The following ARHGEF26 variants were observed in gnomAD, a reference collection of about 807,000 sequenced individuals.
The protein encoded by ARHGEF26 is Rho guanine nucleotide exchange factor (GEF) 26.
A neutral mutation model predicts 89.4 loss-of-function variants in ARHGEF26; 59 were observed. The ratio of observed to expected loss-of-function variants is 0.66; its 90% CI spans 0.54 to 0.82. The LOEUF (loss-of-function observed/expected upper bound fraction) is 0.82. ARHGEF26 is among the 40% of genes least tolerant of loss of function. The pLI is 0.00. For synonymous variants in ARHGEF26, 500 were observed against 428.4 expected (o/e 1.17, Z -2.06); for missense variants, 1,234 against 1,085.6 (o/e 1.14, Z -1.92).
intron 6 of ARHGEF26, among the ~76,000 whole-genome samples, chr3:154,171,610 C>T (rs1053391485): frequency 6.6e-6 from 1 of 152,054 alleles, no homozygotes. Context: ...TTGAGTTTTG[C>T]AGTAGTTATT....
intron 6 of ARHGEF26, among the ~76,000 whole-genome samples, chr3:154,177,805 C>T (rs1712919727): frequency 6.6e-6 from 1 of 152,110 alleles, no homozygotes. Flanking sequence ...ATACAAAATC[C>T]ACTATCTGGG....
At chr3:154,240,263 C>T in intron 11 of ARHGEF26, 107 bp from the exon 12 acceptor site, 3 of 711,362 alleles carry the variant, frequency 4.2e-6, no homozygotes. Context: ...CTTTCCCTCT[C>T]CTTCCTGCCC....
intron 9 of ARHGEF26, among the ~76,000 whole-genome samples, chr3:154,204,300 G>T (rs1714862136): frequency 7.1e-6 from 1 of 141,746 alleles, no homozygotes; most frequent in Non-Finnish European, 1.6e-5. Flanking sequence ...TTTGGGTTTG[G>T]TTGAGTTTCA....
chr3:154,200,316 TGTC>T (rs1714551695), intron 9 of ARHGEF26, among the ~76,000 whole-genome samples: 1 of 152,166 alleles, frequency 6.6e-6, no homozygotes, highest in Non-Finnish European at 1.5e-5. Flanking sequence ...TTAAAGAGAC[TGTC>T]TTTTCCTCAG....
chr3:154,145,888 A>G (rs1719674407), intron 4 of ARHGEF26, among the ~76,000 whole-genome samples: 1 of 152,210 alleles, frequency 6.6e-6, no homozygotes, highest in Non-Finnish European at 1.5e-5. Flanking sequence ...GTCAAAGACC[A>G]AGAAATATTA....
chr3:154,204,884 T>C (rs1402449759), intron 9 of ARHGEF26, among the ~76,000 whole-genome samples: 6 of 152,208 alleles, frequency 3.9e-5, no homozygotes, highest in South Asian at 4.1e-4. Context: ...AGAATATGCT[T>C]GATATTACTT....
At chr3:154,224,577 T>C (rs566109508) in intron 10 of ARHGEF26, among the ~76,000 whole-genome samples, 5 of 152,306 alleles carry the variant, frequency 3.3e-5, no homozygotes, top group Admixed American at 6.5e-5. Flanking sequence ...CAGCCGGACC[T>C]ACCCTGACAC....
intron 11 of ARHGEF26, among the ~76,000 whole-genome samples, chr3:154,229,938 C>T (rs1368813650): frequency 4.6e-5 from 7 of 152,036 alleles, no homozygotes; most frequent in Admixed American, 1.3e-4. Context: ...CCAATATGTG[C>T]CTACTGATAA....
intron 6 of ARHGEF26, among the ~76,000 whole-genome samples, chr3:154,157,197 G>C (rs1168907646): frequency 1.3e-5 from 2 of 152,034 alleles, no homozygotes; most frequent in African/African-American, 2.4e-5. Context: ...TTAACACTTA[G>C]GGCCTCCTAT....
chr3:154,216,498 T>TA lies in ARHGEF26; in HGVS notation c.1846-1371_1846-1370insA, dbSNP rs1715745219. ...CACTTGTTTTTTTTTTTTTATTTTT[T>TA]TTTATTTTTTATTTTTTTTTTATGT... is the stretch of plus-strand genomic sequence containing the variant. On this transcript the variant is annotated intron_variant, in intron 9 of 14. Coordinates refer to ENST00000465093, the MANE Select transcript of ARHGEF26 (RefSeq NM_015595.4). Among the ~76,000 whole-genome samples the TA allele has an allele frequency of 2.9e-4, 10 of 34,392 alleles. No homozygotes were observed. In the South Asian group the frequency reaches 0.011, roughly 37 times the overall value. The allele number at this position is 34,392 out of a possible 152,430, so 22.6% of individuals were successfully genotyped here.
At chr3:154,239,116 T>C (rs1717296792) in intron 11 of ARHGEF26, among the ~76,000 whole-genome samples, 2 of 152,060 alleles carry the variant, frequency 1.3e-5, no homozygotes, top group African/African-American at 4.8e-5. Flanking sequence ...CATGGATTTG[T>C]GGCTGAAGTA....
intron 6 of ARHGEF26, among the ~76,000 whole-genome samples, chr3:154,173,182 A>G (rs1269432605): frequency 6.6e-6 from 1 of 152,072 alleles, no homozygotes; most frequent in East Asian, 1.9e-4. Context: ...TCTTCTTTGC[A>G]TTACCCTCCA....
chr3:154,239,540 C>T (rs1350210861), intron 11 of ARHGEF26, among the ~76,000 whole-genome samples: 1 of 151,972 alleles, frequency 6.6e-6, no homozygotes, highest in African/African-American at 2.4e-5. Flanking sequence ...AGGCAGAGAG[C>T]TCTCAGGAGA....
In ARHGEF26 at chr3:154,202,884, T is replaced by G. The variant is rs149633956; in HGVS notation, c.1845+8166T>G. On this transcript the variant is annotated intron_variant, in intron 9 of 14. Transcript: ENST00000465093. ...ACTTCGCTGAAGTTGCCTATCAGCTTAAGGAGATTTTGGGTTGAGACGATG... is the reference window on the plus strand; with the variant it reads ...ACTTCGCTGAAGTTGCCTATCAGCTGAAGGAGATTTTGGGTTGAGACGATG... 4.6e-3 allele frequency among the ~76,000 whole-genome samples: 693 copies of G among 152,246 alleles called. 5 individuals are homozygous for G. The highest frequency in any genetic ancestry group is 0.016 in the African/African-American group (667 of 41,530).
intron 9 of ARHGEF26, among the ~76,000 whole-genome samples, chr3:154,208,079 C>T (rs537642617): frequency 3.9e-4 from 59 of 152,148 alleles, no homozygotes; most frequent in African/African-American, 1.4e-3. Context: ...ACAACATACA[C>T]TGGGGCCTAT....
At position 154,122,002 on chromosome 3, in the gene ARHGEF26, G is replaced by T. The variant is rs1460975707; in HGVS notation, c.10G>T (p.Glu4Ter). MDG[E>*]SEVDFSSNSI... ...ACTTCGAGGCCCGGCTATGGACGGC[G>T]AGAGCGAGGTGGATTTTTCTAGCAA... The change falls in exon 2 of 15, where the codon GAG (glutamate) becomes TAG (stop). Residue 4 changes from glutamate (E) to a stop codon, truncating the protein, a stop_gained. Transcript: ENST00000465093. LOFTEE classifies it high-confidence loss of function. The T allele has an allele frequency of 2.5e-6, 4 of 1,591,536 alleles. No individual in the cohort carries two copies. In the East Asian group the frequency reaches 9.0e-5, roughly 36 times the overall value.
At chr3:154,185,615 A>G (rs1431327156) in intron 6 of ARHGEF26, among the ~76,000 whole-genome samples, 1 of 152,160 alleles carries the variant, frequency 6.6e-6, no homozygotes, top group Admixed American at 6.5e-5. Context: ...CAAGGTGTTC[A>G]TCGACCCTCC....
intron 9 of ARHGEF26, among the ~76,000 whole-genome samples, chr3:154,209,788 A>G (rs907080281): frequency 2.0e-5 from 3 of 152,206 alleles, no homozygotes; most frequent in African/African-American, 7.2e-5. Flanking sequence ...CTTAGGCTCT[A>G]CAGTCAGTCG....
chr3:154,211,150 C>T (rs934281767), intron 9 of ARHGEF26, among the ~76,000 whole-genome samples: 10 of 152,028 alleles, frequency 6.6e-5, no homozygotes, highest in Admixed American at 5.9e-4. Context: ...TTGGCTGCCA[C>T]AGCTGGTGTC....
Sources: allele counts gnomAD v4.1 joint callset (sites outside exome capture counted in the v4.1 genomes callset), GRCh38; gene constraint gnomAD v4.1.1; transcripts MANE v1.5; gene names NCBI Gene and HGNC (gene_info 2026-07-23, HGNC 2026-07-21).